ARSD: variants seen among roughly 807,000 people sequenced by gnomAD.
The protein encoded by ARSD is arylsulfatase D, also known as testis tissue sperm-binding protein Li 39a.
Under a neutral mutation model 32.6 loss-of-function variants are expected in ARSD, and 21 were observed. That is an observed-to-expected ratio of 0.64 (90% CI 0.46 to 0.93). The LOEUF (loss-of-function observed/expected upper bound fraction) is 0.93, where lower values mean the gene tolerates loss of function less well. Ranked by LOEUF, ARSD falls within the 40% of genes least tolerant of loss-of-function variation. ARSD has a pLI of 0.00. For missense variants in ARSD, 454 were observed against 520.9 expected (o/e 0.87, Z 1.25); for synonymous variants, 224 against 237.4 (o/e 0.94, Z 0.52).
Position 2,910,737 on chromosome X carries a change from A to T in ARSD, c.1057T>A (p.Phe353Ile). 5.0e-6 allele frequency: 6 copies of T among 1,211,549 alleles called. No individual in the cohort carries two copies. Among genetic ancestry groups the T allele is most frequent in the Non-Finnish European group, 6.7e-6 (6 of 895,274 alleles). ...NGLKNSTFTY[F>I]TSDHGGHLEA... Reference sequence around the variant, plus strand: ...AAATGTCCTCCATGGTCAGAGGTGAAATACGTGAATGTTGAGTTCTTTAAA... The same window carrying T: ...AAATGTCCTCCATGGTCAGAGGTGATATACGTGAATGTTGAGTTCTTTAAA... Residue 353 changes from phenylalanine to isoleucine, a missense_variant, in exon 7 of 10, where the codon TTC (phenylalanine) becomes ATC (isoleucine). Phe to Ile is a conservative substitution (Grantham distance 21, BLOSUM62 0). Coordinates refer to ENST00000381154, the MANE Select transcript of ARSD (RefSeq NM_001669.4).
chrX:2,907,754 C>T, intron 9 of ARSD, 122 bp from the exon 10 acceptor site: 1 of 1,051,100 alleles, frequency 9.5e-7, no homozygotes, highest in Non-Finnish European at 1.2e-6. Flanking sequence ...GGAGGAGGGA[C>T]ACGAGGCAGT....
Position 2,907,119 on chromosome X carries a change from AAAAGAAAGAAAG to A in ARSD, c.*140_*151del, listed in dbSNP as rs752079571. The A allele has an allele frequency of 2.1e-5, 11 of 521,575 alleles. No individual in the cohort carries two copies. Among genetic ancestry groups the A allele is most frequent in the Non-Finnish European group, 3.1e-5 (10 of 323,184 alleles). The allele number at this position is 521,575 out of a possible 1,213,427, so 43.0% of individuals were successfully genotyped here. ...GGGACAGAGCGACACTCTGTCTCAAAAAAGAAAGAAAGAAAGAAAGAAAGTGGGGACCCACTC... is the reference window on the plus strand; with the variant it reads ...GGGACAGAGCGACACTCTGTCTCAAAAAAGAAAGAAAGTGGGGACCCACTC... On this transcript the variant is annotated 3_prime_UTR_variant, in exon 10 of 10. Transcript: ENST00000381154.
At position 2,924,485 on chromosome X, in the gene ARSD, TG is replaced by T. The variant is rs1373296035; in HGVS notation, c.194+1130del. On this transcript the variant is annotated intron_variant, in intron 2 of 9. Coordinates refer to ENST00000381154, the MANE Select transcript of ARSD (RefSeq NM_001669.4). ...CCTTCTAGGAGAAAAGCCCACCAAA[TG>T]GAATAAGGAGCTTTCTCACCTTTTC... Among the ~76,000 whole-genome samples, 5 of 113,142 alleles carry T rather than the reference TG, an allele frequency of 4.4e-5. No homozygotes were observed. In the East Asian group the frequency reaches 1.1e-3, roughly 25 times the overall value.
intron 4 of ARSD, among the ~76,000 whole-genome samples, chrX:2,919,382 C>G (rs1172169132): frequency 9.3e-6 from 1 of 107,217 alleles, no homozygotes; most frequent in Non-Finnish European, 1.9e-5. Flanking sequence ...CTCCCACGTT[C>G]TCATGTGTAT....
intron 6 of ARSD, chrX:2,914,682 C>T: frequency 6.8e-6 from 7 of 1,027,653 alleles, no homozygotes; most frequent in Non-Finnish European, 9.0e-6. Context: ...TCTTGAAGGC[C>T]ATAGAAGGAA....
At chrX:2,914,564 T>G in intron 6 of ARSD, 4 of 1,008,297 alleles carry the variant, frequency 4.0e-6, no homozygotes, top group Non-Finnish European at 5.2e-6. Flanking sequence ...TTTAAGACTG[T>G]GAACTCTATC....
chrX:2,908,134 T>G, intron 9 of ARSD: 1 of 182,989 alleles, frequency 5.5e-6, no homozygotes, highest in Non-Finnish European at 8.3e-6. Flanking sequence ...CTATCGATCA[T>G]CTATCTACCT....
chrX:2,919,521 G>A (rs1173659816), intron 4 of ARSD, among the ~76,000 whole-genome samples: 3 of 111,203 alleles, frequency 2.7e-5, no homozygotes, highest in African/African-American at 9.8e-5. Context: ...AGGAGTTTAA[G>A]GGGCAGGCCT....
rs988297801 is a variant in ARSD, at chrX:2,922,564, G to A, written c.195-540C>T. Among the ~76,000 whole-genome samples, 107 of 109,854 alleles carry A rather than the reference G, an allele frequency of 9.7e-4. 1 individual carries two copies. The highest frequency in any genetic ancestry group is 3.3e-3 in the African/African-American group (101 of 30,196). On this transcript the variant is annotated intron_variant, in intron 2 of 9. Coordinates refer to ENST00000381154, the MANE Select transcript of ARSD (RefSeq NM_001669.4). Reference sequence around the variant, plus strand: ...CAAAAAACTGTGAGGGCCGGGCACGGTGGCTCACGCCCGTAATCTCAACTC... The same window carrying A: ...CAAAAAACTGTGAGGGCCGGGCACGATGGCTCACGCCCGTAATCTCAACTC...
At chrX:2,920,772 A>C (rs1441142853) in intron 3 of ARSD, 49 bp from the exon 4 acceptor site, 32 of 1,186,848 alleles carry the variant, frequency 2.7e-5, no homozygotes, top group Non-Finnish European at 3.4e-5. Context: ...TCTCTAGAGG[A>C]GCACTTCTCA....
intron 1 of ARSD, 130 bp downstream of exon 1, chrX:2,929,102 G>C (rs2089123700): frequency 1.6e-6 from 1 of 620,113 alleles, no homozygotes; most frequent in African/African-American, 2.4e-5. Flanking sequence ...AGACTACAAG[G>C]CGCCGGACAC....
intron 2 of ARSD, among the ~76,000 whole-genome samples, chrX:2,925,032 A>T (rs149286068): frequency 0.015 from 1,730 of 112,524 alleles, 29 homozygotes; most frequent in African/African-American, 0.052. Context: ...CATCTCTGAA[A>T]ACGGTCACAC....
chrX:2,920,467 T>C, intron 4 of ARSD, 134 bp downstream of exon 4: 1 of 963,920 alleles, frequency 1.0e-6, no homozygotes, highest in Non-Finnish European at 1.4e-6. Context: ...GCTTCCCGGG[T>C]TCAAGCGATT....
chrX:2,908,282 T>C (rs1212271776), intron 9 of ARSD, among the ~76,000 whole-genome samples: 1 of 111,297 alleles, frequency 9.0e-6, no homozygotes, highest in Non-Finnish European at 1.9e-5. Context: ...ATCTATCTTA[T>C]ATATCTATCA....
intron 9 of ARSD, 179 bp from the exon 10 acceptor site, chrX:2,907,811 T>TGC (rs2088864997): frequency 1.0e-6 from 1 of 998,770 alleles, no homozygotes; most frequent in Non-Finnish European, 1.3e-6. Flanking sequence ...CATGTGTGTG[T>TGC]GCGCGCGTGC....
intron 4 of ARSD, 81 bp from the exon 5 acceptor site, chrX:2,918,308 G>C (rs111614007): frequency 1.7e-5 from 17 of 983,954 alleles, no homozygotes; most frequent in African/African-American, 5.9e-5. Flanking sequence ...ATCATTCCGC[G>C]TCGGCAGGAA....
At chrX:2,920,384 T>G (rs369221717) in intron 4 of ARSD, 2 of 383,304 alleles carry the variant, frequency 5.2e-6, no homozygotes, top group East Asian at 4.6e-5. Flanking sequence ...TTTTTTTTAT[T>G]CTTTGAGACA....
At chrX:2,920,829 AG>A (rs1422708917) in intron 3 of ARSD, 106 bp from the exon 4 acceptor site, 2 of 991,366 alleles carry the variant, frequency 2.0e-6, no homozygotes, top group Non-Finnish European at 2.7e-6. Flanking sequence ...CACCCGAGCC[AG>A]GCTGCTATTA....
rs761011809 is a variant in ARSD, at chrX:2,907,464, G to T, written c.1589C>A (p.Thr530Asn). 8.3e-7 allele frequency: 1 copy of T among 1,209,705 alleles called. No homozygotes were observed. Among genetic ancestry groups the T allele is most frequent in the East Asian group, 3.0e-5 (1 of 33,750 alleles). Reference protein sequence around the residue: ...SRDPSEARPLTPDSEPLYHAV... With the variant: ...SRDPSEARPLNPDSEPLYHAV... ...GTGGTACAGGGGCTCGGAGTCGGGG[G>T]TCAGGGGCCGTGCCTCGGAGGGGTC... The change falls in exon 10 of 10, where the codon ACC (threonine) becomes AAC (asparagine). Residue 530 changes from threonine (T) to asparagine (N), a missense_variant. This residue lies in a region of ARSD where 179 missense variants were observed against 198.5 expected (regional missense o/e 0.90). Coordinates refer to ENST00000381154, the MANE Select transcript of ARSD (RefSeq NM_001669.4).
Sources: allele counts gnomAD v4.1 joint callset (sites outside exome capture counted in the v4.1 genomes callset), GRCh38; gene constraint gnomAD v4.1.1; regional missense constraint gnomAD v4.1.1; transcripts MANE v1.5; gene names NCBI Gene and HGNC (gene_info 2026-07-23, HGNC 2026-07-21).